GRIP1: variants seen among roughly 807,000 people sequenced by gnomAD.
GRIP1 encodes the protein glutamate receptor interacting protein 1, also known as glutamate receptor-interacting protein 1.
Under a neutral mutation model 129.9 loss-of-function variants are expected in GRIP1, and 45 were observed. The observed-to-expected ratio is 0.35, with a 90% CI of 0.27 to 0.44. The LOEUF (loss-of-function observed/expected upper bound fraction) is 0.44. Among genes scored for constraint, GRIP1 ranks in the 20% least tolerant of loss-of-function variants. The probability of loss-of-function intolerance (pLI) is 1.00; values close to 1 mark genes in which losing one functional copy is unlikely to be tolerated. For missense variants in GRIP1, 1,196 were observed against 1,396.8 expected, an observed-to-expected ratio of 0.86 and a Z score of 2.29; for synonymous variants, 530 against 520.8, an observed-to-expected ratio of 1.02 and a Z score of -0.24.
chr12:66,583,962 T>C (rs1361208682), intron 2 of GRIP1, among the ~76,000 whole-genome samples: 1 of 139,454 alleles, frequency 7.2e-6, no homozygotes, highest in Non-Finnish European at 1.6e-5. Flanking sequence ...TGCACACGTA[T>C]GTTTATTGCG....
intron 1 of GRIP1, among the ~76,000 whole-genome samples, chr12:66,761,927 C>T (rs1424445145): frequency 1.3e-5 from 2 of 152,162 alleles, no homozygotes; most frequent in Admixed American, 6.5e-5. Context: ...GGCTCTACCC[C>T]ATACCAGCTC....
intron 1 of GRIP1, among the ~76,000 whole-genome samples, chr12:67,027,376 T>A (rs1311118892): frequency 6.6e-6 from 1 of 152,240 alleles, no homozygotes; most frequent in African/African-American, 2.4e-5. Context: ...TAGAGGTACC[T>A]TACGTAGCTG....
At chr12:66,789,512 AAAT>A (rs1308381922) in intron 1 of GRIP1, among the ~76,000 whole-genome samples, 4 of 152,180 alleles carry the variant, frequency 2.6e-5, no homozygotes, top group African/African-American at 9.6e-5. Flanking sequence ...TAAAATTTTA[AAAT>A]AATATAAAAT....
chr12:66,947,507 G>C (rs762600113), intron 1 of GRIP1, among the ~76,000 whole-genome samples: 2 of 152,192 alleles, frequency 1.3e-5, no homozygotes, highest in African/African-American at 2.4e-5. Flanking sequence ...TATGTAAAAA[G>C]AGTAAAAACT....
chr12:66,692,422 G>C (rs1297093304), intron 1 of GRIP1, among the ~76,000 whole-genome samples: 1 of 152,108 alleles, frequency 6.6e-6, no homozygotes, highest in East Asian at 1.9e-4. Flanking sequence ...ACAACTCTTT[G>C]ATTGCTGTGA....
chr12:66,948,696 C>T (rs1461923704), intron 1 of GRIP1, among the ~76,000 whole-genome samples: 1 of 152,062 alleles, frequency 6.6e-6, no homozygotes, highest in Non-Finnish European at 1.5e-5. Context: ...AAGAAAACTT[C>T]AAATGGAGGC....
intron 1 of GRIP1, among the ~76,000 whole-genome samples, chr12:66,880,994 G>GT (rs920962886): frequency 0.012 from 1,787 of 143,640 alleles, 29 homozygotes; most frequent in African/African-American, 0.036. Flanking sequence ...TTACTCTTCT[G>GT]TTTTTTTTTT....
intron 1 of GRIP1, among the ~76,000 whole-genome samples, chr12:67,013,441 T>A (rs937258040): frequency 6.6e-6 from 1 of 152,166 alleles, no homozygotes; most frequent in African/African-American, 2.4e-5. Context: ...ATTGGCCAAA[T>A]CCTTCTTAAT....
chr12:66,776,370 A>G lies in GRIP1; in HGVS notation c.-420+27683T>C, dbSNP rs566337844. On this transcript the variant is annotated intron_variant, in intron 1 of 4. Coordinates refer to the GRIP1 transcript ENST00000538373. ...CCTGAACACTAAAGATAGAATACGT[A>G]CTTGTTCTCAGCTAGCAGTCAAGAG... Among the ~76,000 whole-genome samples the G allele has an allele frequency of 2.6e-5, 4 of 152,380 alleles. No individual in the cohort carries two copies. In the East Asian group the frequency reaches 7.7e-4, roughly 29 times the overall value.
At chr12:66,812,645 C>A (rs1317175348) in intron 1 of GRIP1, among the ~76,000 whole-genome samples, 2 of 152,176 alleles carry the variant, frequency 1.3e-5, no homozygotes, top group Non-Finnish European at 2.9e-5. Flanking sequence ...AAACTGTTAG[C>A]TTAAATTACA....
upstream of GRIP1, among the ~76,000 whole-genome samples, chr12:66,805,998 C>A (rs187165474): frequency 7.0e-3 from 672 of 95,390 alleles, 2 homozygotes; most frequent in Admixed American, 0.012. Context: ...TTTTTGGTTT[C>A]AAATCCTTTA....
chr12:66,600,954 G>A (rs557476978), intron 1 of GRIP1, among the ~76,000 whole-genome samples: 7 of 152,276 alleles, frequency 4.6e-5, no homozygotes, highest in African/African-American at 9.6e-5. Context: ...GGTAATCACC[G>A]TCACACATGA....
chr12:67,000,413 T>A (rs1260147740), intron 1 of GRIP1, among the ~76,000 whole-genome samples: 1 of 152,204 alleles, frequency 6.6e-6, no homozygotes, highest in Non-Finnish European at 1.5e-5. Context: ...TACTATCTAA[T>A]CACTTACTCT....
intron 1 of GRIP1, among the ~76,000 whole-genome samples, chr12:67,024,552 C>G (rs553740720): frequency 6.6e-6 from 1 of 152,228 alleles, no homozygotes; most frequent in East Asian, 1.9e-4. Context: ...ATTTGTAAGT[C>G]AAGGCCTGCC....
intron 1 of GRIP1, among the ~76,000 whole-genome samples, chr12:66,768,381 T>C (rs1354693349): frequency 3.3e-5 from 5 of 152,332 alleles, no homozygotes; most frequent in Non-Finnish European, 2.9e-5. Flanking sequence ...TACAAACACA[T>C]GCAGCTGGAG....
At chr12:66,913,912 T>C (rs528538470) in intron 1 of GRIP1, among the ~76,000 whole-genome samples, 1 of 152,326 alleles carries the variant, frequency 6.6e-6, no homozygotes, top group Admixed American at 6.5e-5. Context: ...AGTATTTAAA[T>C]ACTGATTTTG....
chr12:67,002,540 T>C (rs192870013), intron 1 of GRIP1, among the ~76,000 whole-genome samples: 16 of 152,324 alleles, frequency 1.1e-4, no homozygotes, highest in African/African-American at 3.4e-4. Flanking sequence ...CACAAGGCAA[T>C]TCATACAACA....
At chr12:66,702,923 G>A (rs1249731433) in intron 1 of GRIP1, among the ~76,000 whole-genome samples, 10 of 152,160 alleles carry the variant, frequency 6.6e-5, no homozygotes, top group African/African-American at 2.4e-4. Context: ...AACACCATGA[G>A]ATAAAAGAAG....
chr12:66,515,406 T>C (rs1020200071), intron 7 of GRIP1, among the ~76,000 whole-genome samples: 2 of 152,172 alleles, frequency 1.3e-5, no homozygotes, highest in African/African-American at 4.8e-5. Flanking sequence ...TGAGACTCTA[T>C]TATGGAACCT....
Sources: allele counts gnomAD v4.1 joint callset (sites outside exome capture counted in the v4.1 genomes callset), GRCh38; gene constraint gnomAD v4.1.1; transcripts MANE v1.5; gene names NCBI Gene and HGNC (gene_info 2026-07-23, HGNC 2026-07-21).